The following PSME2 variants were observed in gnomAD, a reference collection of about 807,000 sequenced individuals.
PSME2 encodes the protein proteasome activator complex subunit 2.
PSME2 carries 20 observed loss-of-function variants against 38.8 expected under a neutral mutation model. The ratio of observed to expected loss-of-function variants is 0.52; its 90% CI spans 0.36 to 0.75. The LOEUF (loss-of-function observed/expected upper bound fraction) is 0.75, where lower values mean the gene tolerates loss of function less well. Among genes scored for constraint, PSME2 ranks in the 30% least tolerant of loss-of-function variants. The probability of loss-of-function intolerance (pLI) is 0.00; values close to 1 mark genes in which losing one functional copy is unlikely to be tolerated. For missense variants in PSME2, 227 were observed against 287.6 expected, an observed-to-expected ratio of 0.79 and a Z score of 1.52; for synonymous variants, 82 against 102.5, an observed-to-expected ratio of 0.80 and a Z score of 1.21.
chr14:24,146,162 A>G, intron 2 of PSME2, 46 bp downstream of exon 2: 4 of 1,599,150 alleles, frequency 2.5e-6, no homozygotes, highest in Non-Finnish European at 3.4e-6. Flanking sequence ...ATCCTCAAGT[A>G]TTGGTCCAAG....
chr14:24,144,990 C>T (rs2038128226), intron 6 of PSME2, 68 bp downstream of exon 6: 1 of 1,462,260 alleles, frequency 6.8e-7, no homozygotes, highest in South Asian at 1.1e-5. Context: ...GGACTTGTAT[C>T]TACGGAGGAG....
At chr14:24,144,987 T>C (rs2038128085) in intron 6 of PSME2, 71 bp downstream of exon 6, 5 of 1,442,818 alleles carry the variant, frequency 3.5e-6, no homozygotes, top group South Asian at 3.4e-5. Context: ...GAAGGACTTG[T>C]ATCTACGGAG....
chr14:24,143,467 C>T lies in PSME2; in HGVS notation c.662G>A (p.Ser221Asn). Reference sequence around the variant, plus strand: ...GTTGACAATTTTCTCCAGGTTGCTGCTGATGATATGATAAAGCTCAGCCTG... The same window carrying T: ...GTTGACAATTTTCTCCAGGTTGCTGTTGATGATATGATAAAGCTCAGCCTG... ...AFYAELYHII[S>N]SNLEKIVNPK... The change falls in exon 11 of 11, where the codon AGC (serine) becomes AAC (asparagine). Residue 221 changes from serine to asparagine, a missense_variant. Around this residue, in one of 3 missense-constraint regions of PSME2, gnomAD observed 99 missense variants for 113.9 expected, o/e 0.87. Coordinates refer to ENST00000216802, the MANE Select transcript of PSME2 (RefSeq NM_002818.3). This position sits in a 1 kb window ranked among gnomAD's most constrained non-coding sequence, Gnocchi z 4.4. The T allele has an allele frequency of 3.1e-6, 5 of 1,614,154 alleles. No individual in the cohort carries two copies. Among genetic ancestry groups the T allele is most frequent in the Non-Finnish European group, 4.2e-6 (5 of 1,180,026 alleles).
intron 7 of PSME2, 45 bp from the exon 8 acceptor site, chr14:24,144,304 A>G (rs1555346712): frequency 2.5e-6 from 4 of 1,611,522 alleles, no homozygotes; most frequent in Non-Finnish European, 3.4e-6. Context: ...TGTCCTCCCC[A>G]TTTCATACAC....
At chr14:24,144,282 G>C (rs1045344773) in intron 7 of PSME2, 23 bp from the exon 8 acceptor site, 1 of 1,613,950 alleles carries the variant, frequency 6.2e-7, no homozygotes, top group Non-Finnish European at 8.5e-7. Flanking sequence ...GGGAGGCAAA[G>C]ACAACACTTC....
chr14:24,144,814 C>G, intron 6 of PSME2: 1 of 582,494 alleles, frequency 1.7e-6, no homozygotes, highest in Non-Finnish European at 3.0e-6. Flanking sequence ...ACTATGAACC[C>G]AATACAGCAG....
In PSME2 at chr14:24,145,100, C is replaced by T; in HGVS notation, c.318G>A (p.Leu106=). The T allele has an allele frequency of 6.2e-7, 1 of 1,613,780 alleles. No homozygotes were observed. The highest frequency in any genetic ancestry group is 2.2e-5 in the East Asian group (1 of 44,882). ...GNEKVLSLLA[L]VKPEVWTLKE... is the part of the protein sequence containing the mutation. ...TGAGAGTCCAGACTTCTGGCTTAAC[C>T]AGGGCAAGCAGGGACAGGACTTTCT... Residue 106 remains leucine, a synonymous_variant, in exon 6 of 11, where the codon CTG becomes CTA. Coordinates refer to ENST00000216802, the MANE Select transcript of PSME2 (RefSeq NM_002818.3).
intron 6 of PSME2, 162 bp downstream of exon 6, chr14:24,144,896 C>G: frequency 1.4e-6 from 1 of 733,198 alleles, no homozygotes; most frequent in South Asian, 1.7e-5. Flanking sequence ...TAAGAGAGGT[C>G]TAACAGAACG....
intron 6 of PSME2, 31 bp downstream of exon 6, chr14:24,145,027 T>C (rs925461609): frequency 3.8e-6 from 6 of 1,580,176 alleles, no homozygotes; most frequent in Non-Finnish European, 4.4e-6. Context: ...GTGTGTCTTC[T>C]CTTTCTGCTT....
At position 24,146,098 on chromosome 14, in the gene PSME2, G is replaced by A. The variant is rs909362445; in HGVS notation, c.81+110C>T. On this transcript the variant is annotated intron_variant, in intron 2 of 10. Coordinates refer to ENST00000216802, the MANE Select transcript of PSME2 (RefSeq NM_002818.3). ...GTTACTTTGGGTGAAGGCTTGGTAA[G>A]GGAAGTAGGGTTAAGTCTAGGGTGA... 2.1e-5 allele frequency: 29 copies of A among 1,355,684 alleles called. No homozygotes were observed. The Admixed American group carries it at 4.9e-4, about 23-fold the overall frequency. 84.0% of individuals were successfully genotyped at this position (1,355,684 alleles called of 1,614,324 possible). A position where few individuals can be genotyped will look rare whatever the true frequency, so the allele number is the denominator to read the frequency against.
In PSME2 at chr14:24,144,244, T is replaced by TCTCCAGC; in HGVS notation, c.438_444dup (p.Arg149AlafsTer47). 1 of 1,614,184 alleles carries TCTCCAGC rather than the reference T, an allele frequency of 6.2e-7. No homozygotes were observed. Among genetic ancestry groups the TCTCCAGC allele is most frequent in the South Asian group, 1.1e-5 (1 of 91,084 alleles). On this transcript the variant is annotated frameshift_variant, in exon 8 of 11. Transcript: ENST00000216802. LOFTEE classifies it high-confidence loss of function. The stretch of plus-strand genomic sequence containing the variant: ...ACTTTGGTCTTGACGGCATTCACCC[T>TCTCCAGC]CTCCAGCACCTTCTCCTGTGGTGAC...
Position 24,145,166 on chromosome 14 carries a change from G to C in PSME2, c.263-11C>G, listed in dbSNP as rs1431043999. ...ATCCACACTTATGGACTGTGAGAAA[G>C]AGGGGATTCAGGCCCTTTCTCATCC... On this transcript the variant is annotated splice_polypyrimidine_tract_variant and intron_variant, in intron 5 of 10. Coordinates refer to ENST00000216802, the MANE Select transcript of PSME2 (RefSeq NM_002818.3). The C allele has an allele frequency of 1.2e-6, 2 of 1,612,324 alleles. No individual in the cohort carries two copies. Among genetic ancestry groups the C allele is most frequent in the South Asian group, 2.2e-5 (2 of 91,018 alleles).
chr14:24,145,591 T>G, intron 3 of PSME2, 119 bp downstream of exon 3: 1 of 1,459,096 alleles, frequency 6.9e-7, no homozygotes, highest in Non-Finnish European at 9.5e-7. Flanking sequence ...GCCATCCTAA[T>G]GTTCCTAATC....
Position 24,143,547 on chromosome 14 carries a change from A to T in PSME2, c.639+38T>A, listed in dbSNP as rs1305515661. 6.2e-7 allele frequency: 1 copy of T among 1,612,650 alleles called. No individual in the cohort carries two copies. The highest frequency in any genetic ancestry group is 8.5e-7 in the Non-Finnish European group (1 of 1,178,876). Reference sequence around the variant, plus strand: ...CTTAGCCAATCCCCTGCCTGCCCCCACTCATCCACCTCCCCTAAAGCCTTA... The same window carrying T: ...CTTAGCCAATCCCCTGCCTGCCCCCTCTCATCCACCTCCCCTAAAGCCTTA... On this transcript the variant is annotated intron_variant, in intron 10 of 10. Coordinates refer to ENST00000216802, the MANE Select transcript of PSME2 (RefSeq NM_002818.3). This position sits in a 1 kb window ranked among gnomAD's most constrained non-coding sequence, Gnocchi z 4.4.
At chr14:24,146,494 G>C in intron 1 of PSME2, 40 bp downstream of exon 1, 1 of 1,613,506 alleles carries the variant, frequency 6.2e-7, no homozygotes, top group Middle Eastern at 1.7e-4. Flanking sequence ...CCACCCAAGA[G>C]GGTTCTATGA....
intron 2 of PSME2, 115 bp downstream of exon 2, chr14:24,146,093 G>A (rs1188937809): frequency 3.0e-6 from 4 of 1,315,394 alleles, no homozygotes; most frequent in South Asian, 1.2e-5. Context: ...GTGAAGGCTT[G>A]GTAAGGGAAG....
At position 24,146,030 on chromosome 14, in the gene PSME2, C is replaced by A. The variant is rs560775442; in HGVS notation, c.81+178G>T. On this transcript the variant is annotated intron_variant, in intron 2 of 10. Coordinates refer to ENST00000216802, the MANE Select transcript of PSME2 (RefSeq NM_002818.3). ...GAGAAGTGCCAGAAGTCGGGAGAGT[C>A]ATAAGAAAGGTCAGATTAAAGGTAG... The A allele has an allele frequency of 2.1e-4, 184 of 860,606 alleles. 1 individual carries two copies. In the South Asian group the frequency reaches 2.6e-3, roughly 12 times the overall value. The allele number at this position is 860,606 out of a possible 1,614,324, so 53.3% of individuals were successfully genotyped here. A position where few individuals can be genotyped will look rare whatever the true frequency, so the allele number is the denominator to read the frequency against.
intron 6 of PSME2, chr14:24,144,677 G>T (rs2038123898): frequency 1.6e-6 from 1 of 611,502 alleles, no homozygotes; most frequent in Admixed American, 3.0e-5. Flanking sequence ...CTGAGTCACA[G>T]AATGTCTAAG....
chr14:24,143,374 C>CAT lies in PSME2; in HGVS notation c.*33_*34dup. 6.3e-7 allele frequency: 1 copy of CAT among 1,577,840 alleles called. No homozygotes were observed. On this transcript the variant is annotated 3_prime_UTR_variant, in exon 11 of 11. Transcript: ENST00000216802. This position sits in a 1 kb window ranked among gnomAD's most constrained non-coding sequence, Gnocchi z 4.4. Reference sequence around the variant, plus strand: ...ACACGCCAGAAGGGAATCCACACAACATATAGATCATTTATTTTCCTTCTA... The same window carrying CAT: ...ACACGCCAGAAGGGAATCCACACAACATATATAGATCATTTATTTTCCTTCTA...
Sources: gnomAD v4.1 joint callset for allele counts on GRCh38, gnomAD v4.1.1 for gene constraint, gnomAD v4.1.1 regional missense constraint, Gnocchi (gnomAD v3.1) non-coding constraint, MANE v1.5 for transcripts, NCBI Gene and HGNC (gene_info 2026-07-23, HGNC 2026-07-21) for gene names.